The following ANGPT1 variants were observed in gnomAD, a reference collection of about 807,000 sequenced individuals.
ANGPT1 encodes angiopoietin-1.
A neutral mutation model predicts 62.2 loss-of-function variants in ANGPT1; 17 were observed. That is an observed-to-expected ratio of 0.27 (90% confidence interval 0.19 to 0.41). The LOEUF is 0.41. ANGPT1 is among the 10% of genes least tolerant of loss of function. The probability of loss-of-function intolerance (pLI) is 1.00; values close to 1 mark genes in which losing one functional copy is unlikely to be tolerated. For missense variants in ANGPT1, 478 were observed against 594.9 expected, an observed-to-expected ratio of 0.80 and a Z score of 2.04; for synonymous variants, 199 against 198.9, an observed-to-expected ratio of 1.00 and a Z score of 0.00.
intron 1 of ANGPT1, among the ~76,000 whole-genome samples, chr8:107,378,346 T>A (rs1816569151): frequency 6.6e-6 from 1 of 152,168 alleles, no homozygotes; most frequent in South Asian, 2.1e-4. Flanking sequence ...TTAGAAATAT[T>A]ACCAACTCTC....
intron 1 of ANGPT1, among the ~76,000 whole-genome samples, chr8:107,371,719 G>A (rs1816419237): frequency 6.6e-6 from 1 of 151,908 alleles, no homozygotes; most frequent in Admixed American, 6.6e-5. Context: ...TGGGTTTACA[G>A]GCACCCACCA....
chr8:107,338,875 G>C (rs1490441718), intron 2 of ANGPT1, among the ~76,000 whole-genome samples: 1 of 152,088 alleles, frequency 6.6e-6, no homozygotes, highest in Non-Finnish European at 1.5e-5. Context: ...ACAAAGCTTG[G>C]CACAGAGACA....
chr8:107,482,427 C>T (rs1302221155), intron 1 of ANGPT1, among the ~76,000 whole-genome samples: 1 of 152,148 alleles, frequency 6.6e-6, no homozygotes, highest in Non-Finnish European at 1.5e-5. Context: ...TATGGAGACT[C>T]ACTAACCACA....
chr8:107,358,940 A>G (rs1232621018), intron 1 of ANGPT1, among the ~76,000 whole-genome samples: 1 of 152,184 alleles, frequency 6.6e-6, no homozygotes. Context: ...AGGTCCCACA[A>G]TCAGAATATA....
intron 3 of ANGPT1, among the ~76,000 whole-genome samples, chr8:107,325,882 T>C (rs1248544425): frequency 6.6e-6 from 1 of 152,130 alleles, no homozygotes; most frequent in Non-Finnish European, 1.5e-5. Flanking sequence ...TGATTTGTTT[T>C]GTTTTTCAGG....
At chr8:107,291,022 T>A (rs1814259581) in intron 6 of ANGPT1, among the ~76,000 whole-genome samples, 1 of 152,238 alleles carries the variant, frequency 6.6e-6, no homozygotes, top group South Asian at 2.1e-4. Context: ...TTTATTTTTC[T>A]GTTATCATTA....
At chr8:107,334,604 A>T (rs183237116) in intron 3 of ANGPT1, among the ~76,000 whole-genome samples, 11 of 152,286 alleles carry the variant, frequency 7.2e-5, no homozygotes, top group African/African-American at 2.2e-4. Context: ...GACTCAGAAA[A>T]ATAAGGGAAA....
chr8:107,313,571 T>C (rs540073289), intron 4 of ANGPT1, among the ~76,000 whole-genome samples: 107 of 149,984 alleles, frequency 7.1e-4, no homozygotes, highest in South Asian at 2.6e-3. Flanking sequence ...TCCCGAGTAG[T>C]TGGGACTACA....
intron 6 of ANGPT1, among the ~76,000 whole-genome samples, chr8:107,288,273 T>C (rs751844134): frequency 5.9e-5 from 9 of 152,114 alleles, no homozygotes; most frequent in Non-Finnish European, 1.3e-4. Flanking sequence ...ATAGTACTAA[T>C]GAAAGCACAG....
At chr8:107,346,897 A>T (rs765979055) in intron 2 of ANGPT1, 45 bp downstream of exon 2, 1 of 1,537,380 alleles carries the variant, frequency 6.5e-7, no homozygotes, top group Non-Finnish European at 8.8e-7. Context: ...AAGAAAAAAA[A>T]AATTTTTCCT....
chr8:107,274,889 G>C (rs1488346894), intron 7 of ANGPT1, among the ~76,000 whole-genome samples: 1 of 152,052 alleles, frequency 6.6e-6, no homozygotes, highest in Non-Finnish European at 1.5e-5. Context: ...TCCTCCTAGA[G>C]ATTACAGTCT....
At chr8:107,436,343 C>A (rs555077528) in intron 1 of ANGPT1, among the ~76,000 whole-genome samples, 1 of 152,350 alleles carries the variant, frequency 6.6e-6, no homozygotes, top group Admixed American at 6.5e-5. Flanking sequence ...TCTTCAATTT[C>A]ATTGCTACAG....
At chr8:107,437,299 C>T (rs1189370036) in intron 1 of ANGPT1, among the ~76,000 whole-genome samples, 5 of 152,186 alleles carry the variant, frequency 3.3e-5, no homozygotes, top group Non-Finnish European at 7.3e-5. Flanking sequence ...TTCTCCTTGA[C>T]TCTACAAGAA....
At chr8:107,436,078 C>CT (rs950299276) in intron 1 of ANGPT1, among the ~76,000 whole-genome samples, 7 of 151,944 alleles carry the variant, frequency 4.6e-5, no homozygotes, top group Non-Finnish European at 7.4e-5. Context: ...AATTTTAAAA[C>CT]TTTTTTTTGT....
At chr8:107,470,932 T>A (rs1812340771) in intron 1 of ANGPT1, among the ~76,000 whole-genome samples, 1 of 152,150 alleles carries the variant, frequency 6.6e-6, no homozygotes, top group Non-Finnish European at 1.5e-5. Flanking sequence ...GTAGGAACAC[T>A]TTTACACTGT....
intron 1 of ANGPT1, among the ~76,000 whole-genome samples, chr8:107,495,754 C>T (rs1813075963): frequency 6.6e-6 from 1 of 151,990 alleles, no homozygotes; most frequent in Admixed American, 6.6e-5. Flanking sequence ...TAAATTTTAC[C>T]AAAGAAAAAT....
At chr8:107,467,769 T>C (rs1375491700) in intron 1 of ANGPT1, among the ~76,000 whole-genome samples, 1 of 151,944 alleles carries the variant, frequency 6.6e-6, no homozygotes, top group Non-Finnish European at 1.5e-5. Context: ...AAAAAGGAAA[T>C]GTTAAGGAGG....
chr8:107,251,784 A>G lies in ANGPT1; in HGVS notation c.*71T>C. 1 of 1,573,942 alleles carries G rather than the reference A, an allele frequency of 6.4e-7. No individual in the cohort carries two copies. The highest frequency in any genetic ancestry group is 8.7e-7 in the Non-Finnish European group (1 of 1,151,808). ...AATATTGTTTGCTTCTGAAGTTTTC[A>G]AACAGTTTCTCACCTGGCAGCTTCT... is the stretch of plus-strand genomic sequence containing the variant. On this transcript the variant is annotated 3_prime_UTR_variant, in exon 9 of 9. Coordinates refer to ENST00000517746, the MANE Select transcript of ANGPT1 (RefSeq NM_001146.5).
intron 1 of ANGPT1, among the ~76,000 whole-genome samples, chr8:107,478,188 A>T (rs1812583838): frequency 6.6e-6 from 1 of 151,294 alleles, no homozygotes. Flanking sequence ...TGGAGTCAAG[A>T]TCCCATCTGT....
Sources: allele counts gnomAD v4.1 joint callset (sites outside exome capture counted in the v4.1 genomes callset), GRCh38; gene constraint gnomAD v4.1.1; transcripts MANE v1.5; gene names NCBI Gene and HGNC (gene_info 2026-07-23, HGNC 2026-07-21).